Variants in RMDN2 observed in about 807,000 individuals in gnomAD.
The protein encoded by RMDN2 is regulator of microtubule dynamics protein 2.
In RMDN2, 61 loss-of-function variants were observed where a neutral mutation model predicts 52.8. The ratio of observed to expected loss-of-function variants is 1.16; its 90% CI spans 0.94 to 1.43. The LOEUF (loss-of-function observed/expected upper bound fraction) is 1.43. RMDN2 is among the 40% of genes most tolerant of loss of function. The pLI, the probability that RMDN2 is intolerant of heterozygous loss-of-function variation, is 0.00. For synonymous variants in RMDN2, 180 were observed against 153.1 expected, an observed-to-expected ratio of 1.18 and a Z score of -1.30; for missense variants, 592 against 475.3, an observed-to-expected ratio of 1.25 and a Z score of -2.28.
chr2:37,994,723 A>G (rs929317739), intron 7 of RMDN2, among the ~76,000 whole-genome samples: 14 of 152,258 alleles, frequency 9.2e-5, no homozygotes, highest in African/African-American at 3.4e-4. Context: ...ATATAGAGCA[A>G]TTGAAACTCA....
intron 10 of RMDN2, among the ~76,000 whole-genome samples, chr2:38,037,539 GA>G (rs1680666220): frequency 6.6e-6 from 1 of 152,238 alleles, no homozygotes; most frequent in South Asian, 2.1e-4. Context: ...CCAGGAGAGA[GA>G]AACTGTCGTT....
intron 10 of RMDN2, among the ~76,000 whole-genome samples, chr2:38,026,706 A>G (rs1479124036): frequency 1.3e-5 from 2 of 152,134 alleles, no homozygotes; most frequent in Non-Finnish European, 2.9e-5. Flanking sequence ...ACACTCATCA[A>G]CCCATCATCT....
intron 10 of RMDN2, among the ~76,000 whole-genome samples, chr2:38,010,129 G>A (rs1375621197): frequency 6.6e-6 from 1 of 152,164 alleles, no homozygotes; most frequent in Non-Finnish European, 1.5e-5. Flanking sequence ...TTGCTGGGTG[G>A]TGCCTCCCAG....
At chr2:37,929,131 T>G (rs1350785120) in intron 1 of RMDN2, 131 bp from the exon 2 acceptor site, 1 of 602,706 alleles carries the variant, frequency 1.7e-6, no homozygotes, top group Non-Finnish European at 3.0e-6. Flanking sequence ...TCCCACCCTT[T>G]GGGCTATTGT....
At chr2:37,953,989 A>T (rs146436481) in intron 2 of RMDN2, among the ~76,000 whole-genome samples, 15 of 152,010 alleles carry the variant, frequency 9.9e-5, no homozygotes, top group Non-Finnish European at 2.1e-4. Context: ...GCCCATTTGT[A>T]TATCTTCTTT....
chr2:37,925,121 C>G (rs6719465), upstream of RMDN2, among the ~76,000 whole-genome samples: 3,814 of 152,214 alleles, frequency 0.025, 141 homozygotes, highest in African/African-American at 0.087. Flanking sequence ...AGGCGACGGC[C>G]GAGACACACG....
intron 2 of RMDN2, among the ~76,000 whole-genome samples, chr2:37,933,194 C>T (rs1435704482): frequency 1.3e-5 from 2 of 151,942 alleles, no homozygotes; most frequent in Non-Finnish European, 2.9e-5. Context: ...CAGAGATGCT[C>T]CTCACTTCCC....
intron 2 of RMDN2, among the ~76,000 whole-genome samples, chr2:37,972,372 G>T (rs1671920234): frequency 6.6e-6 from 1 of 151,988 alleles, no homozygotes; most frequent in Non-Finnish European, 1.5e-5. Flanking sequence ...GCAGAAGAAA[G>T]AAAAAATACA....
In RMDN2 at chr2:38,004,186, G is replaced by C. The variant is rs745882104; in HGVS notation, c.1149G>C (p.Leu383Phe). Residue 383 changes from leucine (L) to phenylalanine (F), a missense_variant, in exon 10 of 11, where the codon TTG becomes TTC. Physicochemically the swap from Leu to Phe is conservative, Grantham distance 22. Transcript: ENST00000354545. ...AGAATGCTTTGAAGTTCTGTAATTT[G>C]GCTTTATTGCTTCCTACTGTTACCA... is the stretch of plus-strand genomic sequence containing the variant. ...ENQNALKFCN[L>F]ALLLPTVTKE... The C allele has an allele frequency of 3.1e-6, 5 of 1,613,604 alleles. No individual in the cohort carries two copies. In the African/African-American group the frequency reaches 5.3e-5, roughly 17 times the overall value.
chr2:38,007,317 T>C (rs2125208319), intron 10 of RMDN2, among the ~76,000 whole-genome samples: 1 of 152,350 alleles, frequency 6.6e-6, no homozygotes, highest in South Asian at 2.1e-4. Flanking sequence ...AGAATTTGGC[T>C]GTGAATCCAT....
At position 38,003,616 on chromosome 2, in the gene RMDN2, A is replaced by G. The variant is rs1419996944; in HGVS notation, c.1045-375A>G. ...GATAGATAGATAGGCAGACAGACAG[A>G]CAGACAGACAAATATATAGGACTTG... On this transcript the variant is annotated intron_variant, in intron 8 of 10. Transcript: ENST00000354545. Among the ~76,000 whole-genome samples, 5 of 148,896 alleles carry G rather than the reference A, an allele frequency of 3.4e-5. No homozygotes were observed. In the East Asian group the frequency reaches 8.0e-4, roughly 24 times the overall value.
chr2:38,037,841 G>A (rs915551804), intron 10 of RMDN2, among the ~76,000 whole-genome samples: 2 of 152,162 alleles, frequency 1.3e-5, no homozygotes, highest in African/African-American at 4.8e-5. Flanking sequence ...TTTTACAGAT[G>A]ATGAAACTCT....
chr2:38,020,917 G>C (rs946864488), downstream of RMDN2, among the ~76,000 whole-genome samples: 12 of 152,332 alleles, frequency 7.9e-5, no homozygotes, highest in East Asian at 5.8e-4. Flanking sequence ...GGATTGGCAG[G>C]CAGCTCCACC....
intron 10 of RMDN2, among the ~76,000 whole-genome samples, chr2:38,047,036 CA>C (rs1276063481): frequency 6.6e-6 from 1 of 151,460 alleles, no homozygotes; most frequent in Non-Finnish European, 1.5e-5. Flanking sequence ...AAGAAATACT[CA>C]ATATTATGAA....
At chr2:37,960,953 T>C (rs1317573498) in intron 2 of RMDN2, among the ~76,000 whole-genome samples, 1 of 152,228 alleles carries the variant, frequency 6.6e-6, no homozygotes, top group Non-Finnish European at 1.5e-5. Flanking sequence ...TTATGAAGCT[T>C]AGTTTGGCTC....
intron 10 of RMDN2, among the ~76,000 whole-genome samples, chr2:38,042,432 A>AC (rs1156304224): frequency 3.5e-4 from 51 of 146,600 alleles, no homozygotes; most frequent in African/African-American, 1.1e-3. Flanking sequence ...CACCACACAC[A>AC]CACACACACA....
intron 10 of RMDN2, among the ~76,000 whole-genome samples, chr2:38,035,533 A>C (rs1020431749): frequency 6.6e-6 from 1 of 152,234 alleles, no homozygotes; most frequent in East Asian, 1.9e-4. Flanking sequence ...AGATAAGAAA[A>C]AATGCATAAA....
At chr2:38,015,429 G>A (rs1417362359) in intron 10 of RMDN2, among the ~76,000 whole-genome samples, 1 of 152,134 alleles carries the variant, frequency 6.6e-6, no homozygotes, top group East Asian at 1.9e-4. Context: ...GCTGGGCATG[G>A]TAGCACGTGC....
In RMDN2 at chr2:37,974,030, G is replaced by C; in HGVS notation, c.453-10G>C. ...TTCAAAGGAGTTGATGATTATTTCTGCGATTTTAGGTATATTACAGCTAAT... is the reference window on the plus strand; with the variant it reads ...TTCAAAGGAGTTGATGATTATTTCTCCGATTTTAGGTATATTACAGCTAAT... On this transcript the variant is annotated splice_polypyrimidine_tract_variant and intron_variant, in intron 2 of 10. Coordinates refer to ENST00000354545, the MANE Select transcript of RMDN2 (RefSeq NM_001170791.3). 1.3e-6 allele frequency: 2 copies of C among 1,596,224 alleles called. No homozygotes were observed. Among genetic ancestry groups the C allele is most frequent in the Non-Finnish European group, 1.7e-6 (2 of 1,171,904 alleles).
Sources: allele counts gnomAD v4.1 joint callset (sites outside exome capture counted in the v4.1 genomes callset), GRCh38; gene constraint gnomAD v4.1.1; transcripts MANE v1.5; gene names NCBI Gene and HGNC (gene_info 2026-07-23, HGNC 2026-07-21).